SLC19A1: variants seen among roughly 807,000 people sequenced by gnomAD.
SLC19A1 encodes the protein reduced folate transporter.
A neutral mutation model predicts 35.3 loss-of-function variants in SLC19A1; 37 were observed. That is an observed-to-expected ratio of 1.05 (90% CI 0.81 to 1.38). The LOEUF is 1.38. SLC19A1 is among the 40% of genes most tolerant of loss of function. SLC19A1 has a pLI of 0.00. For missense variants in SLC19A1, 831 were observed against 826.9 expected, an observed-to-expected ratio of 1.00 and a Z score of -0.06; for synonymous variants, 460 against 398.5, an observed-to-expected ratio of 1.15 and a Z score of -1.84.
intron 2 of SLC19A1, among the ~76,000 whole-genome samples, chr21:45,537,327 G>A (rs1358359385): frequency 1.3e-5 from 2 of 152,278 alleles, no homozygotes; most frequent in African/African-American, 4.8e-5. Flanking sequence ...CAGCTGACAC[G>A]GCCACTCACC....
intron 5 of SLC19A1, among the ~76,000 whole-genome samples, chr21:45,518,005 A>G (rs2038053612): frequency 6.6e-6 from 1 of 152,228 alleles, no homozygotes; most frequent in Admixed American, 6.5e-5. Context: ...ACACTAAACC[A>G]CAAAGATCTC....
rs2078268766 is a variant in SLC19A1, at chr21:45,540,436, G to A, written c.-50+1932C>T. 6.6e-6 allele frequency among the ~76,000 whole-genome samples: 1 copy of A among 152,146 alleles called. No individual in the cohort carries two copies. The highest frequency in any genetic ancestry group is 2.1e-4 in the South Asian group (1 of 4,830). ...GGAGCCCTGGGTACTTGGGCCCCCT[G>A]TTCTGAAAGGTGCCACCTCCAGAAG... On this transcript the variant is annotated intron_variant, in intron 1 of 5. Transcript: ENST00000311124. The surrounding 1 kb of genome is among the most constrained non-coding windows in gnomAD (Gnocchi z 5.5).
chr21:45,552,983 T>A (rs964345832), intron 1 of SLC19A1, among the ~76,000 whole-genome samples: 13 of 152,112 alleles, frequency 8.5e-5, no homozygotes, highest in Admixed American at 8.5e-4. Flanking sequence ...TGTGCTCACT[T>A]TTACACAAGA....
chr21:45,558,566 G>C lies in SLC19A1; in HGVS notation c.-50+4176C>G, dbSNP rs146637225. Among the ~76,000 whole-genome samples, 532 of 152,298 alleles carry C rather than the reference G, an allele frequency of 3.5e-3. 6 individuals are homozygous for C. Among genetic ancestry groups the C allele is most frequent in the African/African-American group, 0.012 (501 of 41,564 alleles). ...TTCGTATGTGGCCAGTGTGACTTGA[G>C]TTCAGCCCCAGAAATAAATGTGTGA... On this transcript the variant is annotated intron_variant, in intron 1 of 5. Coordinates refer to the SLC19A1 transcript ENST00000650808.
chr21:45,526,628 A>G (rs1252763174), intron 4 of SLC19A1, among the ~76,000 whole-genome samples: 4 of 152,160 alleles, frequency 2.6e-5, no homozygotes. Flanking sequence ...CAGGCGTGCA[A>G]TGGCACAATC....
chr21:45,505,255 C>T, intron 3 of SLC19A1: 1 of 1,590,378 alleles, frequency 6.3e-7, no homozygotes, highest in Non-Finnish European at 8.6e-7. Context: ...GGGCCCCCTT[C>T]ATTTCCTGGC....
At chr21:45,507,322 G>A (rs1156359545) in intron 3 of SLC19A1, 33 of 603,562 alleles carry the variant, frequency 5.5e-5, no homozygotes, top group South Asian at 5.0e-4. Flanking sequence ...CCTCCTGTGG[G>A]CTGGCAGGGC....
Position 45,513,923 on chromosome 21 carries a change from C to T in SLC19A1, c.*1735G>A, listed in dbSNP as rs2037754003. Reference sequence around the variant, plus strand: ...TGTGCAGGAGCATCCATAGTGTGCACAGGTACACAGGCATGCACGGGTGTG... The same window carrying T: ...TGTGCAGGAGCATCCATAGTGTGCATAGGTACACAGGCATGCACGGGTGTG... On this transcript the variant is annotated 3_prime_UTR_variant, in exon 6 of 6. Coordinates refer to ENST00000311124, the MANE Select transcript of SLC19A1 (RefSeq NM_194255.4). The T allele has an allele frequency of 6.6e-6, 1 of 152,314 alleles. No individual in the cohort carries two copies. The highest frequency in any genetic ancestry group is 1.5e-5 in the Non-Finnish European group (1 of 68,100). 9.4% of individuals were successfully genotyped at this position (152,314 alleles called of 1,614,324 possible).
chr21:45,506,524 T>C, intron 3 of SLC19A1: 1 of 201,744 alleles, frequency 5.0e-6, no homozygotes, highest in Non-Finnish European at 1.0e-5. Context: ...CAAAATGGTC[T>C]GGGTGGCAGG....
rs977863323 is a variant in SLC19A1, at chr21:45,517,872, A to C, written c.1294-1732T>G. On this transcript the variant is annotated intron_variant, in intron 5 of 5. Transcript: ENST00000311124. The surrounding 1 kb of genome is among the most constrained non-coding windows in gnomAD (Gnocchi z 4.4). ...AGGCTGAGTGAGAGCCTGGACTTCC[A>C]CCCCACCTGCCTGTAGCGAGGTGCA... 6.6e-6 allele frequency among the ~76,000 whole-genome samples: 1 copy of C among 151,840 alleles called. No homozygotes were observed. The highest frequency in any genetic ancestry group is 1.5e-5 in the Non-Finnish European group (1 of 67,954).
intron 1 of SLC19A1, among the ~76,000 whole-genome samples, chr21:45,541,024 A>AAAGAAGAAG (rs58613344): frequency 3.3e-5 from 5 of 151,502 alleles, no homozygotes; most frequent in Middle Eastern, 3.5e-3. Flanking sequence ...GCTAGTTTAA[A>AAAGAAGAAG]AAGAAGAAGA....
At chr21:45,523,801 T>C (rs978375207) in intron 5 of SLC19A1, among the ~76,000 whole-genome samples, 1 of 152,144 alleles carries the variant, frequency 6.6e-6, no homozygotes, top group Non-Finnish European at 1.5e-5. Context: ...TCCCTGCCCA[T>C]ACATGCTGGC....
rs1248374268 is a variant in SLC19A1 at position 45,514,200 on chromosome 21, C to T, written c.*1458G>A. ...CTCTAGCCCATGGCACAGGCCCAGC[C>T]CACCTCCACCCATCACATCCTGCTA... On this transcript the variant is annotated 3_prime_UTR_variant, in exon 6 of 6. Transcript: ENST00000311124. The T allele has an allele frequency of 6.6e-6, 1 of 152,190 alleles. No homozygotes were observed. The highest frequency in any genetic ancestry group is 1.5e-5 in the Non-Finnish European group (1 of 68,078). The allele number at this position is 152,190 out of a possible 1,614,324, so 9.4% of individuals were successfully genotyped here. A position where few individuals can be genotyped will look rare whatever the true frequency, so the allele number is the denominator to read the frequency against.
chr21:45,560,182 C>T (rs932544015), intron 1 of SLC19A1, among the ~76,000 whole-genome samples: 33 of 152,134 alleles, frequency 2.2e-4, no homozygotes, highest in African/African-American at 7.0e-4. Flanking sequence ...GAGGTGGGGA[C>T]GCCAGGGCCC....
rs973207128 is a variant in SLC19A1, at chr21:45,534,785, A to G, written c.190-2637T>C. The G allele has an allele frequency of 1.9e-5, 11 of 581,098 alleles. No individual in the cohort carries two copies. Among genetic ancestry groups the G allele is most frequent in the Admixed American group, 3.1e-5 (1 of 32,356 alleles). The allele number at this position is 581,098 out of a possible 1,614,324, so 36.0% of individuals were successfully genotyped here. Reference sequence around the variant, plus strand: ...GAGCTGTGACCTGCGTCCCACTTACAAGGCTGCTGGGGGAGGGGCCCTCAC... The same window carrying G: ...GAGCTGTGACCTGCGTCCCACTTACGAGGCTGCTGGGGGAGGGGCCCTCAC... On this transcript the variant is annotated intron_variant, in intron 2 of 5. Coordinates refer to ENST00000311124, the MANE Select transcript of SLC19A1 (RefSeq NM_194255.4). The surrounding 1 kb of genome is among the most constrained non-coding windows in gnomAD (Gnocchi z 4.2).
chr21:45,507,589 G>A (rs1443457119), downstream of SLC19A1: 2 of 1,613,090 alleles, frequency 1.2e-6, no homozygotes, highest in Admixed American at 3.3e-5. Context: ...CTCCCACGAG[G>A]GACGGTAAGG....
chr21:45,505,245 G>C (rs959682726), intron 3 of SLC19A1: 9 of 1,604,228 alleles, frequency 5.6e-6, no homozygotes, highest in African/African-American at 5.4e-5. Flanking sequence ...AGGCCCCCCA[G>C]GGCCCCCTTC....
chr21:45,558,252 G>C (rs936658226), intron 1 of SLC19A1, among the ~76,000 whole-genome samples: 3 of 152,234 alleles, frequency 2.0e-5, no homozygotes, highest in South Asian at 4.1e-4. Context: ...GACAGGCTGA[G>C]ACCCCCCAAG....
chr21:45,531,979 T>C lies in SLC19A1; in HGVS notation c.359A>G (p.Gln120Arg). The change falls in exon 3 of 6, where the codon CAG becomes CGG. Residue 120 changes from glutamine to arginine, a missense_variant. Gln to Arg is a conservative substitution (Grantham distance 43). Coordinates refer to ENST00000311124, the MANE Select transcript of SLC19A1 (RefSeq NM_194255.4). ...LLLGHSVAHM[Q>R]LMELFYSVTM... ...GACGCTGTAGAAGAGCTCCATGAGC[T>C]GCATGTGCGCCACCGAGTGGCCCAG... 6.2e-7 allele frequency: 1 copy of C among 1,609,886 alleles called. No individual in the cohort carries two copies. Among genetic ancestry groups the C allele is most frequent in the Non-Finnish European group, 8.5e-7 (1 of 1,179,418 alleles).
Sources: allele counts gnomAD v4.1 joint callset (sites outside exome capture counted in the v4.1 genomes callset), GRCh38; gene constraint gnomAD v4.1.1; non-coding constraint Gnocchi (gnomAD v3.1); transcripts MANE v1.5; gene names NCBI Gene and HGNC (gene_info 2026-07-23, HGNC 2026-07-21).